UGT1A8: variants seen among roughly 807,000 people sequenced by gnomAD.
UGT1A8 encodes UDP-glucuronosyltransferase 1A8.
A neutral mutation model predicts 45.3 loss-of-function variants in UGT1A8; 39 were observed. The observed-to-expected ratio is 0.86, with a 90% CI of 0.67 to 1.12. UGT1A8 has a LOEUF of 1.12. Ranked by LOEUF, UGT1A8 falls within the 50% of genes most tolerant of loss-of-function variation. The pLI is 0.00. For synonymous variants in UGT1A8, 275 were observed against 249.2 expected (o/e 1.10, Z -0.97); for missense variants, 719 against 664.9 (o/e 1.08, Z -0.90).
chr2:233,644,484 C>G (rs1007448569), intron 1 of UGT1A8, among the ~76,000 whole-genome samples: 8 of 152,148 alleles, frequency 5.3e-5, no homozygotes, highest in Admixed American at 4.6e-4. Context: ...TCGCTTGAAC[C>G]TCGGAGGCAG....
At chr2:233,705,262 T>C (rs2075837578) in intron 1 of UGT1A8, among the ~76,000 whole-genome samples, 1 of 152,150 alleles carries the variant, frequency 6.6e-6, no homozygotes, top group Admixed American at 6.5e-5. Flanking sequence ...TTCTATGGGG[T>C]CACTTGCTTT....
At position 233,726,533 on chromosome 2, in the gene UGT1A8, T is replaced by A. The variant is rs137884308; in HGVS notation, c.856-40501T>A. 1.1e-3 allele frequency among the ~76,000 whole-genome samples: 170 copies of A among 152,338 alleles called. 1 individual carries two copies. Among genetic ancestry groups the A allele is most frequent in the African/African-American group, 3.9e-3 (162 of 41,582 alleles). On this transcript the variant is annotated intron_variant, in intron 1 of 4. Coordinates refer to ENST00000373450, the MANE Select transcript of UGT1A8 (RefSeq NM_019076.5). ...TGGTACTTTTCCACTTTTAGGGAGATGCAGTGCAGCGTCTTCAAGTCTCCC... is the reference window on the plus strand; with the variant it reads ...TGGTACTTTTCCACTTTTAGGGAGAAGCAGTGCAGCGTCTTCAAGTCTCCC...
At chr2:233,750,066 G>A (rs12987866) in intron 1 of UGT1A8, among the ~76,000 whole-genome samples, 28,360 of 151,834 alleles carry the variant, frequency 0.19, 3,511 homozygotes, top group South Asian at 0.3. Flanking sequence ...TTTGGAACTG[G>A]GTAACAGGCA....
At chr2:233,681,851 G>C (rs910682008) in intron 1 of UGT1A8, 2 of 1,517,658 alleles carry the variant, frequency 1.3e-6, no homozygotes, top group African/African-American at 2.8e-5. Context: ...GCCTTCTTTT[G>C]AGGGCAGGTT....
intron 1 of UGT1A8, among the ~76,000 whole-genome samples, chr2:233,657,959 A>G (rs2073891584): frequency 6.6e-6 from 1 of 150,872 alleles, no homozygotes; most frequent in Admixed American, 6.6e-5. Context: ...ATTTAGATTT[A>G]TGCAAGGTTG....
At chr2:233,757,944 T>C (rs1201251132) in intron 1 of UGT1A8, among the ~76,000 whole-genome samples, 1 of 152,112 alleles carries the variant, frequency 6.6e-6, no homozygotes, top group Non-Finnish European at 1.5e-5. Context: ...ACCATCATAT[T>C]GCTGCCCTGC....
intron 1 of UGT1A8, among the ~76,000 whole-genome samples, chr2:233,724,038 C>T (rs2077157253): frequency 1.1e-5 from 1 of 87,686 alleles, no homozygotes. Flanking sequence ...TCTCAATGAG[C>T]TGTTGGGCAC....
At chr2:233,638,769 TGAAAGAGTGACCGTTC>T (rs1199676930) in intron 1 of UGT1A8, among the ~76,000 whole-genome samples, 1 of 152,166 alleles carries the variant, frequency 6.6e-6, no homozygotes, top group East Asian at 1.9e-4. Flanking sequence ...AGATGGTTGG[TGAAAGAGTGACCGTTC>T]AGCCATCTCA....
chr2:233,685,233 A>C (rs1021314023), intron 1 of UGT1A8, among the ~76,000 whole-genome samples: 6 of 152,146 alleles, frequency 3.9e-5, no homozygotes. Flanking sequence ...GGGTTTCACC[A>C]TGTTGGCCAG....
chr2:233,674,874 A>T (rs2074299574), intron 1 of UGT1A8, among the ~76,000 whole-genome samples: 1 of 152,206 alleles, frequency 6.6e-6, no homozygotes, highest in Admixed American at 6.5e-5. Context: ...TGACAGAAGG[A>T]TGGACACTTC....
intron 1 of UGT1A8, among the ~76,000 whole-genome samples, chr2:233,710,475 A>T (rs1055676950): frequency 6.6e-6 from 1 of 152,328 alleles, no homozygotes; most frequent in African/African-American, 2.4e-5. Context: ...TGTGTAGTAG[A>T]ATTTCATTGG....
intron 1 of UGT1A8, among the ~76,000 whole-genome samples, chr2:233,742,214 A>C (rs1413606991): frequency 6.6e-6 from 1 of 151,982 alleles, no homozygotes; most frequent in African/African-American, 2.4e-5. Context: ...CACAGCCTTC[A>C]GGGCTGAGAG....
chr2:233,733,516 A>G (rs1473701197), intron 1 of UGT1A8, among the ~76,000 whole-genome samples: 1 of 152,232 alleles, frequency 6.6e-6, no homozygotes, highest in East Asian at 1.9e-4. Context: ...TTTAGGCATG[A>G]AGGGATGTTT....
intron 1 of UGT1A8, among the ~76,000 whole-genome samples, chr2:233,646,790 C>G (rs2073614725): frequency 6.6e-6 from 1 of 152,192 alleles, no homozygotes; most frequent in Admixed American, 6.5e-5. Context: ...ATTTTCCTGT[C>G]TTCTTCTGAG....
At chr2:233,718,827 A>T (rs1411325211) in intron 1 of UGT1A8, 1 of 1,613,418 alleles carries the variant, frequency 6.2e-7, no homozygotes, top group Non-Finnish European at 8.5e-7. Context: ...TGAGATGGCC[A>T]GAGGACTCCA....
chr2:233,768,064 A>T, intron 3 of UGT1A8, 128 bp downstream of exon 3: 6 of 1,598,982 alleles, frequency 3.8e-6, no homozygotes, highest in Non-Finnish European at 4.3e-6. Context: ...ATTGCTTTTT[A>T]TCTAGTGGGG....
At chr2:233,691,063 T>C (rs1196831628) in intron 1 of UGT1A8, 1 of 986,786 alleles carries the variant, frequency 1.0e-6, no homozygotes, top group Non-Finnish European at 1.2e-6. Flanking sequence ...AGGTCTAGTA[T>C]AAAGAATGTG....
At chr2:233,767,292 T>C in intron 2 of UGT1A8, 127 bp downstream of exon 2, 1 of 1,553,044 alleles carries the variant, frequency 6.4e-7, no homozygotes, top group South Asian at 1.2e-5. Context: ...ACTTCCCAAC[T>C]ATTAATCCAA....
intron 1 of UGT1A8, among the ~76,000 whole-genome samples, chr2:233,620,277 T>C (rs1481690635): frequency 6.6e-6 from 1 of 152,238 alleles, no homozygotes; most frequent in Non-Finnish European, 1.5e-5. Flanking sequence ...GAGATGCAAG[T>C]TGCAGGACTC....
Sources: gnomAD v4.1 joint callset for allele counts (sites outside exome capture counted in the v4.1 genomes callset) on GRCh38, gnomAD v4.1.1 for gene constraint, MANE v1.5 for transcripts, NCBI Gene and HGNC (gene_info 2026-07-23, HGNC 2026-07-21) for gene names.